PDXDC1: variants seen among roughly 807,000 people sequenced by gnomAD.
The protein encoded by PDXDC1 is pyridoxal dependent decarboxylase domain containing 1.
A neutral mutation model predicts 100.1 loss-of-function variants in PDXDC1; 42 were observed. That is an observed-to-expected ratio of 0.42 (90% CI 0.33 to 0.54). The LOEUF is 0.54. PDXDC1 is among the 20% of genes least tolerant of loss of function. The pLI is 0.10. For missense variants in PDXDC1, 636 were observed against 979.2 expected (o/e 0.65, Z 4.68); for synonymous variants, 260 against 371.7 (o/e 0.70, Z 3.46).
chr16:14,996,483 CTACA>C (rs1972003710), intron 1 of PDXDC1: 1 of 201,046 alleles, frequency 5.0e-6, no homozygotes, highest in Non-Finnish European at 9.8e-6. Context: ...ACAACTCATA[CTACA>C]TAGAGATTGA....
At chr16:15,085,878 A>G (rs538150770) in intron 16 of PDXDC1, among the ~76,000 whole-genome samples, 3 of 152,336 alleles carry the variant, frequency 2.0e-5, no homozygotes, top group Admixed American at 2.0e-4. Context: ...GCAACTTTAT[A>G]GTTTTTAAAC....
At chr16:15,149,221 G>A in the PDXDC1 span, among the ~76,000 whole-genome samples, 1 of 152,312 alleles carries the variant, frequency 6.6e-6, no homozygotes, top group South Asian at 2.1e-4. Context: ...TGGGAGCTTT[G>A]AAACCTGGCT....
At chr16:15,040,382 C>T, downstream of PDXDC1, 2 of 305,290 alleles carry the variant, frequency 6.6e-6, no homozygotes, top group Non-Finnish European at 1.2e-5. Flanking sequence ...TGGTGTACGG[C>T]CAGGGGTGGC....
chr16:15,132,392 T>G (rs1452570522), intron 16 of PDXDC1, among the ~76,000 whole-genome samples: 33 of 21,898 alleles, frequency 1.5e-3, no homozygotes, highest in East Asian at 2.8e-3. Context: ...GGGGAGGGGT[T>G]AGGGGAGGGA....
chr16:15,025,155 A>T (rs1194721479), intron 13 of PDXDC1: 1 of 152,338 alleles, frequency 6.6e-6, no homozygotes, highest in Non-Finnish European at 1.5e-5. Context: ...CAGAATTGAC[A>T]ACTTCAGTGT....
intron 16 of PDXDC1, among the ~76,000 whole-genome samples, chr16:15,031,013 T>C (rs1449811207): frequency 6.7e-6 from 1 of 150,160 alleles, no homozygotes; most frequent in Non-Finnish European, 1.5e-5. Context: ...ATGCAGTGTC[T>C]TCACCATAGC....
At chr16:15,100,658 A>C (rs2046510962) in intron 16 of PDXDC1, among the ~76,000 whole-genome samples, 1 of 152,198 alleles carries the variant, frequency 6.6e-6, no homozygotes, top group Non-Finnish European at 1.5e-5. Flanking sequence ...CCTGGGGTAC[A>C]AAACTCTTCC....
chr16:15,028,377 C>A (rs1346334643), intron 14 of PDXDC1, among the ~76,000 whole-genome samples: 1 of 152,286 alleles, frequency 6.6e-6, no homozygotes, highest in Non-Finnish European at 1.5e-5. Context: ...TATCAGAGCC[C>A]CCAGCTTCAC....
At chr16:15,133,793 A>G (rs1278757694) in intron 16 of PDXDC1, 5 of 1,585,998 alleles carry the variant, frequency 3.2e-6, no homozygotes, top group Non-Finnish European at 4.3e-6. Flanking sequence ...GCCTGTACTC[A>G]CCCGTGCATT....
chr16:15,083,610 T>C (rs756864735), intron 16 of PDXDC1: 62 of 1,589,512 alleles, frequency 3.9e-5, no homozygotes, highest in Admixed American at 3.2e-4. Flanking sequence ...AATCAATCCA[T>C]GTTAACTTTA....
intron 8 of PDXDC1, among the ~76,000 whole-genome samples, 178 bp downstream of exon 8, chr16:15,009,937 C>T (rs1219867395): frequency 2.6e-5 from 4 of 152,284 alleles, no homozygotes; most frequent in African/African-American, 4.8e-5. Context: ...TTTCTTTAAT[C>T]GTTGGTTTGT....
chr16:15,112,279 C>T lies in PDXDC1; in HGVS notation c.1400-26600C>T, dbSNP rs1306516455. Among the ~76,000 whole-genome samples the T allele has an allele frequency of 3.6e-4, 54 of 148,162 alleles. 2 individuals are homozygous for T. The highest frequency in any genetic ancestry group is 7.1e-4 in the Non-Finnish European group (47 of 66,186). On this transcript the variant is annotated intron_variant, in intron 16 of 16. Coordinates refer to the PDXDC1 transcript ENST00000535621. ...AGTCAACCATGCTGAAGTGCAGTGG[C>T]GCTACCTTGGCTCACGGCAACCTCC...
rs147609670 is a variant in PDXDC1, at chr16:15,058,930, G to A, written c.1399+28874G>A. Among the ~76,000 whole-genome samples, 302 of 152,134 alleles carry A rather than the reference G, an allele frequency of 2.0e-3. 3 individuals carry two copies. The highest frequency in any genetic ancestry group is 0.014 in the Middle Eastern group (4 of 294). Reference sequence around the variant, plus strand: ...TTACAGGCATGAGCTACCACACCTGGCCCCAAATTATTAGATACATTATAA... The same window carrying A: ...TTACAGGCATGAGCTACCACACCTGACCCCAAATTATTAGATACATTATAA... On this transcript the variant is annotated intron_variant, in intron 16 of 16. Transcript: ENST00000535621.
intron 16 of PDXDC1, among the ~76,000 whole-genome samples, chr16:15,123,715 G>A (rs1455418489): frequency 8.1e-6 from 1 of 123,368 alleles, no homozygotes; most frequent in Non-Finnish European, 1.7e-5. Context: ...ATATAACTGT[G>A]CTAGAAGTCA....
intron 16 of PDXDC1, among the ~76,000 whole-genome samples, chr16:15,048,809 C>T (rs895279998): frequency 1.4e-5 from 2 of 145,940 alleles, no homozygotes; most frequent in South Asian, 2.3e-4. Context: ...CTTTTTGTAG[C>T]GACGGGGTCT....
rs1346624056 is a variant in PDXDC1 at position 15,038,158 on chromosome 16, C to G, written c.*1883C>G. ...TTTTTTTAAAAACATCAAGGTAGAT[C>G]TAATATGTTCAACAAAGTGGGGTGG... On this transcript the variant is annotated 3_prime_UTR_variant, in exon 23 of 23. Coordinates refer to ENST00000396410, the MANE Select transcript of PDXDC1 (RefSeq NM_015027.4). The G allele has an allele frequency of 6.2e-7, 1 of 1,613,336 alleles. No individual in the cohort carries two copies. The highest frequency in any genetic ancestry group is 8.5e-7 in the Non-Finnish European group (1 of 1,179,550).
intron 16 of PDXDC1, among the ~76,000 whole-genome samples, chr16:15,052,817 TCTGTCTCTCAAAAAAAAAA>T (rs1177145528): frequency 6.6e-6 from 1 of 151,708 alleles, no homozygotes; most frequent in Non-Finnish European, 1.5e-5. Flanking sequence ...AGAGCAAGGC[TCTGTCTCTCAAAAAAAAAA>T]TAAATAAATA....
chr16:14,976,601 T>G (rs556157527), intron 1 of PDXDC1, among the ~76,000 whole-genome samples: 2 of 152,400 alleles, frequency 1.3e-5, no homozygotes, highest in African/African-American at 4.8e-5. Context: ...ACTTTGAGTT[T>G]GTCCAGATGA....
chr16:15,148,914 G>C, the PDXDC1 span, among the ~76,000 whole-genome samples: 4 of 152,132 alleles, frequency 2.6e-5, no homozygotes, highest in Non-Finnish European at 5.9e-5. Flanking sequence ...GTGACTTCTT[G>C]TCCACATTTT....
Sources: gnomAD v4.1 joint callset for allele counts (sites outside exome capture counted in the v4.1 genomes callset) on GRCh38, gnomAD v4.1.1 for gene constraint, MANE v1.5 for transcripts, NCBI Gene and HGNC (gene_info 2026-07-23, HGNC 2026-07-21) for gene names.